The following CLDN9 variants were observed in gnomAD, a reference collection of about 807,000 sequenced individuals.
CLDN9 encodes the protein claudin-9.
In CLDN9, 14 loss-of-function variants were observed where a neutral mutation model predicts 10.1. The observed-to-expected ratio is 1.38, with a 90% CI of 0.91 to 2.16. The LOEUF (loss-of-function observed/expected upper bound fraction) is 2.16. CLDN9 is among the 30% of genes most tolerant of loss of function. CLDN9 has a pLI of 0.00. For synonymous variants in CLDN9, 162 were observed against 143.1 expected, an observed-to-expected ratio of 1.13 and a Z score of -0.95; for missense variants, 332 against 294.8, an observed-to-expected ratio of 1.13 and a Z score of -0.93.
chr16:3,014,139 C>G lies in CLDN9; in HGVS notation c.*123C>G. On this transcript the variant is annotated 3_prime_UTR_variant, in exon 1 of 1. Transcript: ENST00000445369. ...CCCAGGAAAACCCACTTTCCAAAAGCCCAAGCTACACCTGGCTGCAGGGCT... is the reference window on the plus strand; with the variant it reads ...CCCAGGAAAACCCACTTTCCAAAAGGCCAAGCTACACCTGGCTGCAGGGCT... The G allele has an allele frequency of 8.8e-7, 1 of 1,135,822 alleles. No individual in the cohort carries two copies. The highest frequency in any genetic ancestry group is 1.2e-6 in the Non-Finnish European group (1 of 816,294). The allele number at this position is 1,135,822 out of a possible 1,614,324, so 70.4% of individuals were successfully genotyped here. A position where few individuals can be genotyped will look rare whatever the true frequency, so the allele number is the denominator to read the frequency against.
Position 3,014,061 on chromosome 16 carries a change from C to G in CLDN9, c.*45C>G. 1 of 1,503,388 alleles carries G rather than the reference C, an allele frequency of 6.7e-7. No homozygotes were observed. Among genetic ancestry groups the G allele is most frequent in the Non-Finnish European group, 8.9e-7 (1 of 1,124,968 alleles). 93.1% of individuals were successfully genotyped at this position (1,503,388 alleles called of 1,614,324 possible). On this transcript the variant is annotated 3_prime_UTR_variant, in exon 1 of 1. Coordinates refer to ENST00000445369, the MANE Select transcript of CLDN9 (RefSeq NM_020982.4). ...AGCCCACTGCTCCCCACTGCCCCGC[C>G]CTTTCGACCTTGGCCTGATGACCAG...
Position 3,013,844 on chromosome 16 carries a change from G to A in CLDN9, c.482G>A (p.Gly161Glu). ...GCTGAGGCCCTCAAGCGGGAGCTGG[G>A]GGCCTCCCTCTACCTGGGCTGGGCG... ...LVAEALKREL[G>E]ASLYLGWAAA... is the part of the protein sequence containing the mutation. Residue 161 changes from glycine to glutamate, a missense_variant, in exon 1 of 1, where the codon GGG (glycine) becomes GAG (glutamate). Physicochemically the swap from Gly to Glu is moderately conservative, Grantham distance 98. Transcript: ENST00000445369. The surrounding 1 kb of genome is among the most constrained non-coding windows in gnomAD (Gnocchi z 6.4). 1 of 1,612,484 alleles carries A rather than the reference G, an allele frequency of 6.2e-7. No homozygotes were observed. Among genetic ancestry groups the A allele is most frequent in the South Asian group, 1.1e-5 (1 of 91,078 alleles).
rs763541879 is a variant in CLDN9, at chr16:3,013,328, C to T, written c.-35C>T. On this transcript the variant is annotated 5_prime_UTR_variant, in exon 1 of 1. Coordinates refer to ENST00000445369, the MANE Select transcript of CLDN9 (RefSeq NM_020982.4). This position sits in a 1 kb window ranked among gnomAD's most constrained non-coding sequence, Gnocchi z 6.4. ...GACACACCCTCTGAGTCACCTAGGC[C>T]GCCTGGGGCTGAGAAGACCTAACCG... 12 of 1,579,234 alleles carry T rather than the reference C, an allele frequency of 7.6e-6. No individual in the cohort carries two copies. Among genetic ancestry groups the T allele is most frequent in the Middle Eastern group, 1.7e-4 (1 of 5,940 alleles).
chr16:3,014,068 A>C lies in CLDN9; in HGVS notation c.*52A>C, dbSNP rs1311282225. Reference sequence around the variant, plus strand: ...TGCTCCCCACTGCCCCGCCCTTTCGACCTTGGCCTGATGACCAGATGCCCT... The same window carrying C: ...TGCTCCCCACTGCCCCGCCCTTTCGCCCTTGGCCTGATGACCAGATGCCCT... On this transcript the variant is annotated 3_prime_UTR_variant, in exon 1 of 1. Transcript: ENST00000445369. The C allele has an allele frequency of 2.0e-6, 3 of 1,494,422 alleles. No individual in the cohort carries two copies. Among genetic ancestry groups the C allele is most frequent in the Non-Finnish European group, 2.7e-6 (3 of 1,119,630 alleles). 92.6% of individuals were successfully genotyped at this position (1,494,422 alleles called of 1,614,324 possible). A position where few individuals can be genotyped will look rare whatever the true frequency, so the allele number is the denominator to read the frequency against.
In CLDN9 at chr16:3,013,723, G is replaced by A. The variant is rs773085395; in HGVS notation, c.361G>A (p.Ala121Thr). Residue 121 changes from alanine (A) to threonine (T), a missense_variant, in exon 1 of 1, where the codon GCG becomes ACG. Coordinates refer to ENST00000445369, the MANE Select transcript of CLDN9 (RefSeq NM_020982.4). This position sits in a 1 kb window ranked among gnomAD's most constrained non-coding sequence, Gnocchi z 6.4. ...TGCCAAGGCCCGTATCGTGCTCACC[G>A]CGGGGGTCATCCTCCTCCTCGCCGG... is the stretch of plus-strand genomic sequence containing the variant. Reference protein sequence around the residue: ...EGAKARIVLTAGVILLLAGIL... With the variant: ...EGAKARIVLTTGVILLLAGIL... 9.3e-6 allele frequency: 15 copies of A among 1,613,580 alleles called. No individual in the cohort carries two copies. Among genetic ancestry groups the A allele is most frequent in the Middle Eastern group, 3.3e-4 (2 of 6,062 alleles).
Position 3,014,163 on chromosome 16 carries a change from C to G in CLDN9, c.*147C>G. ...GCCCAAGCTACACCTGGCTGCAGGG[C>G]TGGGTCAGCTGGCCTGGCTGAGCTC... On this transcript the variant is annotated 3_prime_UTR_variant, in exon 1 of 1. Coordinates refer to ENST00000445369, the MANE Select transcript of CLDN9 (RefSeq NM_020982.4). The G allele has an allele frequency of 1.1e-6, 1 of 876,474 alleles. No homozygotes were observed. The highest frequency in any genetic ancestry group is 1.7e-6 in the Non-Finnish European group (1 of 592,566). 54.3% of individuals were successfully genotyped at this position (876,474 alleles called of 1,614,324 possible).
chr16:3,014,062 C>T lies in CLDN9; in HGVS notation c.*46C>T, dbSNP rs759356901. The T allele has an allele frequency of 6.0e-6, 9 of 1,503,230 alleles. No homozygotes were observed. Among genetic ancestry groups the T allele is most frequent in the Admixed American group, 4.6e-5 (2 of 43,646 alleles). 93.1% of individuals were successfully genotyped at this position (1,503,230 alleles called of 1,614,324 possible). The stretch of plus-strand genomic sequence containing the variant: ...GCCCACTGCTCCCCACTGCCCCGCC[C>T]TTTCGACCTTGGCCTGATGACCAGA... On this transcript the variant is annotated 3_prime_UTR_variant, in exon 1 of 1. Transcript: ENST00000445369.
rs1169647960 is a variant in CLDN9, at chr16:3,013,573, C to G, written c.211C>G (p.Leu71Val). 1 of 1,614,028 alleles carries G rather than the reference C, an allele frequency of 6.2e-7. No homozygotes were observed. The highest frequency in any genetic ancestry group is 1.1e-5 in the South Asian group (1 of 91,086). The change falls in exon 1 of 1, where the codon CTG becomes GTG. Residue 71 changes from leucine (L) to valine (V), a missense_variant. Coordinates refer to ENST00000445369, the MANE Select transcript of CLDN9 (RefSeq NM_020982.4). The surrounding 1 kb of genome is among the most constrained non-coding windows in gnomAD (Gnocchi z 6.4). Reference protein sequence around the residue: ...QMQCKVYDSLLALPQDLQAAR... With the variant: ...QMQCKVYDSLVALPQDLQAAR... ...GCAGTGCAAGGTGTACGACTCACTG[C>G]TGGCTCTGCCGCAGGACCTGCAGGC...
Position 3,013,227 on chromosome 16 carries a change from A to G in CLDN9, c.-136A>G. 1.0e-6 allele frequency: 1 copy of G among 999,298 alleles called. No homozygotes were observed. The highest frequency in any genetic ancestry group is 1.4e-6 in the Non-Finnish European group (1 of 699,736). 61.9% of individuals were successfully genotyped at this position (999,298 alleles called of 1,614,324 possible). A position where few individuals can be genotyped will look rare whatever the true frequency, so the allele number is the denominator to read the frequency against. ...TCAAGAGGCGCCTTTCATGGAACTG[A>G]GGACTGGCCTGGCTTGGGGACACCA... is the stretch of plus-strand genomic sequence containing the variant. On this transcript the variant is annotated 5_prime_UTR_variant, in exon 1 of 1. Coordinates refer to ENST00000445369, the MANE Select transcript of CLDN9 (RefSeq NM_020982.4). The surrounding 1 kb of genome is among the most constrained non-coding windows in gnomAD (Gnocchi z 6.4).
rs202102733 is a variant in CLDN9, at chr16:3,013,540, G to C, written c.178G>C (p.Gly60Arg). 3.1e-6 allele frequency: 5 copies of C among 1,613,864 alleles called. No individual in the cohort carries two copies. The African/African-American group carries it at 5.3e-5, about 17-fold the overall frequency. The change falls in exon 1 of 1, where the codon GGC becomes CGC. Residue 60 changes from glycine to arginine, a missense_variant. Coordinates refer to ENST00000445369, the MANE Select transcript of CLDN9 (RefSeq NM_020982.4). This position sits in a 1 kb window ranked among gnomAD's most constrained non-coding sequence, Gnocchi z 6.4. ...LWMSCVVQST[G>R]QMQCKVYDSL... Reference sequence around the variant, plus strand: ...GATGTCCTGCGTGGTGCAGAGCACGGGCCAGATGCAGTGCAAGGTGTACGA... The same window carrying C: ...GATGTCCTGCGTGGTGCAGAGCACGCGCCAGATGCAGTGCAAGGTGTACGA...
chr16:3,013,230 A>ACTGGC lies in CLDN9; in HGVS notation c.-127_-123dup. The ACTGGC allele has an allele frequency of 9.8e-7, 1 of 1,022,494 alleles. No individual in the cohort carries two copies. Among genetic ancestry groups the ACTGGC allele is most frequent in the Non-Finnish European group, 1.4e-6 (1 of 720,164 alleles). 63.3% of individuals were successfully genotyped at this position (1,022,494 alleles called of 1,614,324 possible). A position where few individuals can be genotyped will look rare whatever the true frequency, so the allele number is the denominator to read the frequency against. On this transcript the variant is annotated 5_prime_UTR_variant, in exon 1 of 1. An upstream open reading frame in the 5' UTR loses its in-frame stop. Coordinates refer to ENST00000445369, the MANE Select transcript of CLDN9 (RefSeq NM_020982.4). This position sits in a 1 kb window ranked among gnomAD's most constrained non-coding sequence, Gnocchi z 6.4. ...AGAGGCGCCTTTCATGGAACTGAGG[A>ACTGGC]CTGGCCTGGCTTGGGGACACCAACA...
chr16:3,013,916 G>T lies in CLDN9; in HGVS notation c.554G>T (p.Cys185Phe), dbSNP rs938406416. The T allele has an allele frequency of 5.0e-6, 8 of 1,590,304 alleles. No homozygotes were observed. The East Asian group carries it at 1.3e-4, about 27-fold the overall frequency. ...GGCGGGGGGCTCCTCTGCTGCACGT[G>T]CCCCCCGCCCCAGGTCGAGCGGCCC... is the stretch of plus-strand genomic sequence containing the variant. ...MLGGGLLCCT[C>F]PPPQVERPRG... The change falls in exon 1 of 1, where the codon TGC (cysteine) becomes TTC (phenylalanine). Residue 185 changes from cysteine (C) to phenylalanine (F), a missense_variant. Physicochemically the swap from Cys to Phe is radical, Grantham distance 205. Coordinates refer to ENST00000445369, the MANE Select transcript of CLDN9 (RefSeq NM_020982.4). This position sits in a 1 kb window ranked among gnomAD's most constrained non-coding sequence, Gnocchi z 6.4.
Position 3,012,974 on chromosome 16 carries a change from C to T in CLDN9, c.-389C>T, listed in dbSNP as rs953880324. 2.5e-5 allele frequency: 6 copies of T among 238,108 alleles called. No homozygotes were observed. The highest frequency in any genetic ancestry group is 5.0e-5 in the Non-Finnish European group (6 of 120,388). 14.7% of individuals were successfully genotyped at this position (238,108 alleles called of 1,614,324 possible). ...TCGCTCAGTGGGAACCTGCGCCAGCCGGCAGGAGACGTGGCTGTCCTCAGC... is the reference window on the plus strand; with the variant it reads ...TCGCTCAGTGGGAACCTGCGCCAGCTGGCAGGAGACGTGGCTGTCCTCAGC... On this transcript the variant is annotated 5_prime_UTR_variant, in exon 1 of 1. Transcript: ENST00000445369.
Position 3,013,054 on chromosome 16 carries a change from T to C in CLDN9, c.-309T>C. The C allele has an allele frequency of 1.8e-5, 6 of 328,686 alleles. No homozygotes were observed. The highest frequency in any genetic ancestry group is 2.8e-5 in the Non-Finnish European group (5 of 176,668). 20.4% of individuals were successfully genotyped at this position (328,686 alleles called of 1,614,324 possible). A position where few individuals can be genotyped will look rare whatever the true frequency, so the allele number is the denominator to read the frequency against. On this transcript the variant is annotated 5_prime_UTR_variant, in exon 1 of 1. Transcript: ENST00000445369. The surrounding 1 kb of genome is among the most constrained non-coding windows in gnomAD (Gnocchi z 6.4). ...GCTCAGCCCAGGTGTGACAGCGGGG[T>C]GGTAAGAGCAGCAGCACCCTCAGGG...
Position 3,013,535 on chromosome 16 carries a change from G to A in CLDN9, c.173G>A (p.Ser58Asn), listed in dbSNP as rs554077504. The A allele has an allele frequency of 6.2e-7, 1 of 1,613,978 alleles. No homozygotes were observed. Among genetic ancestry groups the A allele is most frequent in the Admixed American group, 1.7e-5 (1 of 60,026 alleles). ...CTGTGGATGTCCTGCGTGGTGCAGA[G>A]CACGGGCCAGATGCAGTGCAAGGTG... Reference protein sequence around the residue: ...EGLWMSCVVQSTGQMQCKVYD... With the variant: ...EGLWMSCVVQNTGQMQCKVYD... The change falls in exon 1 of 1, where the codon AGC becomes AAC. Residue 58 changes from serine to asparagine, a missense_variant. By Grantham distance (46) the Ser-to-Asn change is conservative (BLOSUM62 1). Transcript: ENST00000445369. The surrounding 1 kb of genome is among the most constrained non-coding windows in gnomAD (Gnocchi z 6.4).
rs1390229139 is a variant in CLDN9 at position 3,014,102 on chromosome 16, A to G, written c.*86A>G. 5 of 1,386,784 alleles carry G rather than the reference A, an allele frequency of 3.6e-6. No individual in the cohort carries two copies. In the African/African-American group the frequency reaches 7.2e-5, roughly 20 times the overall value. The allele number at this position is 1,386,784 out of a possible 1,614,324, so 85.9% of individuals were successfully genotyped here. ...TGATGACCAGATGCCCTGCTCCATC[A>G]CAACCTCCTTCCCCAGGAAAACCCA... On this transcript the variant is annotated 3_prime_UTR_variant, in exon 1 of 1. Coordinates refer to ENST00000445369, the MANE Select transcript of CLDN9 (RefSeq NM_020982.4).
chr16:3,013,566 C>G lies in CLDN9; in HGVS notation c.204C>G (p.Asp68Glu), dbSNP rs1388055005. The change falls in exon 1 of 1, where the codon GAC (aspartate) becomes GAG (glutamate). Residue 68 changes from aspartate (D) to glutamate (E), a missense_variant. Coordinates refer to ENST00000445369, the MANE Select transcript of CLDN9 (RefSeq NM_020982.4). The surrounding 1 kb of genome is among the most constrained non-coding windows in gnomAD (Gnocchi z 6.4). ...GCCAGATGCAGTGCAAGGTGTACGA[C>G]TCACTGCTGGCTCTGCCGCAGGACC... Reference protein sequence around the residue: ...STGQMQCKVYDSLLALPQDLQ... With the variant: ...STGQMQCKVYESLLALPQDLQ... 6.2e-7 allele frequency: 1 copy of G among 1,614,040 alleles called. No individual in the cohort carries two copies. The highest frequency in any genetic ancestry group is 8.5e-7 in the Non-Finnish European group (1 of 1,179,998).
At position 3,014,131 on chromosome 16, in the gene CLDN9, T is replaced by TTTTAATGATCCGGCGA; in HGVS notation, c.*115_*116insTTTAATGATCCGGCGA. The TTTTAATGATCCGGCGA allele has an allele frequency of 8.3e-7, 1 of 1,208,532 alleles. No homozygotes were observed. Among genetic ancestry groups the TTTTAATGATCCGGCGA allele is most frequent in the Admixed American group, 2.8e-5 (1 of 35,446 alleles). The allele number at this position is 1,208,532 out of a possible 1,614,324, so 74.9% of individuals were successfully genotyped here. A position where few individuals can be genotyped will look rare whatever the true frequency, so the allele number is the denominator to read the frequency against. ...CCTCCTTCCCCAGGAAAACCCACTT[T>TTTTAATGATCCGGCGA]CCAAAAGCCCAAGCTACACCTGGCT... On this transcript the variant is annotated 3_prime_UTR_variant, in exon 1 of 1. Coordinates refer to ENST00000445369, the MANE Select transcript of CLDN9 (RefSeq NM_020982.4).
Position 3,013,578 on chromosome 16 carries a change from T to G in CLDN9, c.216T>G (p.Ala72=), listed in dbSNP as rs750660041. 133 of 1,613,870 alleles carry G rather than the reference T, an allele frequency of 8.2e-5. No individual in the cohort carries two copies. Among genetic ancestry groups the G allele is most frequent in the Non-Finnish European group, 1.0e-4 (122 of 1,180,004 alleles). ...GCAAGGTGTACGACTCACTGCTGGCTCTGCCGCAGGACCTGCAGGCCGCAC... is the reference window on the plus strand; with the variant it reads ...GCAAGGTGTACGACTCACTGCTGGCGCTGCCGCAGGACCTGCAGGCCGCAC... The part of the protein sequence containing the change: ...MQCKVYDSLL[A]LPQDLQAARA... Residue 72 remains alanine (A), a synonymous_variant, in exon 1 of 1, where the codon GCT becomes GCG. Coordinates refer to ENST00000445369, the MANE Select transcript of CLDN9 (RefSeq NM_020982.4). The surrounding 1 kb of genome is among the most constrained non-coding windows in gnomAD (Gnocchi z 6.4).
Sources: gnomAD v4.1 joint callset for allele counts on GRCh38, gnomAD v4.1.1 for gene constraint, Gnocchi (gnomAD v3.1) non-coding constraint, MANE v1.5 for transcripts, NCBI Gene and HGNC (gene_info 2026-07-23, HGNC 2026-07-21) for gene names.